The following KIAA1614 variants were observed in gnomAD, a reference collection of about 807,000 sequenced individuals.
KIAA1614 encodes KIAA1614.
KIAA1614 carries 76 observed loss-of-function variants against 88.7 expected under a neutral mutation model. The ratio of observed to expected loss-of-function variants is 0.86; its 90% CI spans 0.71 to 1.04. The LOEUF (loss-of-function observed/expected upper bound fraction) is 1.04, where lower values mean the gene tolerates loss of function less well. KIAA1614 is among the 50% of genes least tolerant of loss of function. The probability of loss-of-function intolerance (pLI) is 0.00; values close to 1 mark genes in which losing one functional copy is unlikely to be tolerated. For missense variants in KIAA1614, 1,553 were observed against 1,582.5 expected, an observed-to-expected ratio of 0.98 and a Z score of 0.32; for synonymous variants, 714 against 675.5, an observed-to-expected ratio of 1.06 and a Z score of -0.88.
intron 4 of KIAA1614, among the ~76,000 whole-genome samples, chr1:180,932,081 C>G (rs1234957351): frequency 6.6e-6 from 1 of 152,148 alleles, no homozygotes; most frequent in Non-Finnish European, 1.5e-5. Context: ...CACAGCTGAC[C>G]TAGATACAAG....
intron 4 of KIAA1614, among the ~76,000 whole-genome samples, chr1:180,931,649 C>T (rs1011796756): frequency 2.6e-5 from 4 of 152,256 alleles, no homozygotes; most frequent in African/African-American, 9.6e-5. Context: ...AAGCGCTCCT[C>T]AATTTCTCTT....
chr1:180,939,673 C>T (rs552955361), intron 6 of KIAA1614, among the ~76,000 whole-genome samples: 95 of 152,308 alleles, frequency 6.2e-4, no homozygotes, highest in African/African-American at 2.3e-3. Flanking sequence ...AGTCAAGGGT[C>T]GCTTTTTAAA....
intron 5 of KIAA1614, among the ~76,000 whole-genome samples, chr1:180,937,633 C>T (rs1336231601): frequency 1.3e-5 from 2 of 152,184 alleles, no homozygotes; most frequent in Non-Finnish European, 2.9e-5. Flanking sequence ...AAGAGGGACC[C>T]AGGGCTTGGC....
Position 180,928,545 on chromosome 1 carries a change from A to G in KIAA1614, c.1177A>G (p.Ile393Val). ...CCGGCCCCTCCGTGCCAGCCATGAC[A>G]TCGTGCCCACCATTACCCAGGGCAG... The part of the protein sequence containing the change: ...RTRPLRASHD[I>V]VPTITQGSRD... The change falls in exon 4 of 9, where the codon ATC becomes GTC. Residue 393 changes from isoleucine to valine, a missense_variant. Physicochemically the swap from Ile to Val is conservative, Grantham distance 29. Coordinates refer to ENST00000367588, the MANE Select transcript of KIAA1614 (RefSeq NM_020950.2). The G allele has an allele frequency of 6.2e-7, 1 of 1,612,808 alleles. No individual in the cohort carries two copies. The highest frequency in any genetic ancestry group is 8.5e-7 in the Non-Finnish European group (1 of 1,179,850).
At position 180,947,523 on chromosome 1, in the gene KIAA1614, G is replaced by A. The variant is rs1328310986; in HGVS notation, c.*1935G>A. ...GATTTGACTATTTGCTGATGAGCTG[G>A]ACATGTAAGAGGAAGAGAGGACAGG... On this transcript the variant is annotated 3_prime_UTR_variant, in exon 9 of 9. Coordinates refer to ENST00000367588, the MANE Select transcript of KIAA1614 (RefSeq NM_020950.2). 5 of 152,238 alleles carry A rather than the reference G, an allele frequency of 3.3e-5. No homozygotes were observed. Among genetic ancestry groups the A allele is most frequent in the Admixed American group, 2.0e-4 (3 of 15,286 alleles). 9.4% of individuals were successfully genotyped at this position (152,238 alleles called of 1,614,324 possible). A position where few individuals can be genotyped will look rare whatever the true frequency, so the allele number is the denominator to read the frequency against.
chr1:180,937,010 G>C (rs1363255639), intron 5 of KIAA1614, among the ~76,000 whole-genome samples: 1 of 152,228 alleles, frequency 6.6e-6, no homozygotes, highest in East Asian at 1.9e-4. Context: ...ATGGCTGCTG[G>C]AGGCCTGGAC....
At chr1:180,937,188 G>A (rs1654353629) in intron 5 of KIAA1614, among the ~76,000 whole-genome samples, 1 of 152,268 alleles carries the variant, frequency 6.6e-6, no homozygotes, top group East Asian at 1.9e-4. Flanking sequence ...CTGAGCACCT[G>A]TTATGTGCCA....
intron 1 of KIAA1614, among the ~76,000 whole-genome samples, chr1:180,915,775 C>T (rs1030829091): frequency 1.3e-5 from 2 of 152,176 alleles, no homozygotes; most frequent in Non-Finnish European, 2.9e-5. Context: ...ACCACCTGAG[C>T]TCTGCCTCCT....
At chr1:180,930,825 C>T (rs1045827414) in intron 4 of KIAA1614, among the ~76,000 whole-genome samples, 28 of 152,254 alleles carry the variant, frequency 1.8e-4, no homozygotes, top group Admixed American at 7.8e-4. Flanking sequence ...GAAAAATCAA[C>T]GCCAGATGGC....
chr1:180,921,350 C>G (rs1653949042), intron 3 of KIAA1614, among the ~76,000 whole-genome samples: 1 of 152,212 alleles, frequency 6.6e-6, no homozygotes, highest in African/African-American at 2.4e-5. Context: ...TTCAGGCCAA[C>G]TGGACATAAA....
rs957293230 is a variant in KIAA1614, at chr1:180,930,981, G to A, written c.1205+2408G>A. On this transcript the variant is annotated intron_variant, in intron 4 of 8. Coordinates refer to ENST00000367588, the MANE Select transcript of KIAA1614 (RefSeq NM_020950.2). Reference sequence around the variant, plus strand: ...AGCCCAGATGCATCACTTCTAAAGAGCAGCTTGGTGAAAGGTGATGGAAGA... The same window carrying A: ...AGCCCAGATGCATCACTTCTAAAGAACAGCTTGGTGAAAGGTGATGGAAGA... 2.0e-5 allele frequency among the ~76,000 whole-genome samples: 3 copies of A among 152,208 alleles called. 1 individual carries two copies. Among genetic ancestry groups the A allele is most frequent in the Non-Finnish European group, 4.4e-5 (3 of 68,034 alleles).
rs148774079 is a variant in KIAA1614 at position 180,940,206 on chromosome 1, A to G, written c.2919-839A>G. The stretch of plus-strand genomic sequence containing the variant: ...GCTGACACATAGTAGGTCGTTAAGA[A>G]GTATTGAATGAATGGGCCAGGCAGT... On this transcript the variant is annotated intron_variant, in intron 6 of 8. Coordinates refer to ENST00000367588, the MANE Select transcript of KIAA1614 (RefSeq NM_020950.2). Among the ~76,000 whole-genome samples, 61 of 152,342 alleles carry G rather than the reference A, an allele frequency of 4.0e-4. 1 individual carries two copies. The East Asian group carries it at 9.2e-3, about 23-fold the overall frequency.
chr1:180,945,403 G>C lies in KIAA1614; in HGVS notation c.3388G>C (p.Gly1130Arg), dbSNP rs201859148. ...CCGCCTGGTGGAGGTGTTCCCAGACGGCACCAGCCAGCTGCAGCTGCAGCG... is the reference window on the plus strand; with the variant it reads ...CCGCCTGGTGGAGGTGTTCCCAGACCGCACCAGCCAGCTGCAGCTGCAGCG... The part of the protein sequence containing the change: ...VGRLVEVFPD[G>R]TSQLQLQRSP... Residue 1130 changes from glycine to arginine, a missense_variant, in exon 9 of 9, where the codon GGC becomes CGC. Gly to Arg is a moderately radical substitution (Grantham distance 125). Transcript: ENST00000367588. 1.9e-6 allele frequency: 3 copies of C among 1,603,894 alleles called. No homozygotes were observed. The highest frequency in any genetic ancestry group is 2.5e-6 in the Non-Finnish European group (3 of 1,176,972).
intron 3 of KIAA1614, among the ~76,000 whole-genome samples, chr1:180,921,624 G>T (rs1211223250): frequency 6.6e-6 from 1 of 152,168 alleles, no homozygotes; most frequent in Non-Finnish European, 1.5e-5. Context: ...GGGATCTGGG[G>T]GTCTCCTTCC....
intron 3 of KIAA1614, among the ~76,000 whole-genome samples, chr1:180,922,596 T>C (rs1461502430): frequency 1.3e-5 from 2 of 152,204 alleles, no homozygotes; most frequent in African/African-American, 4.8e-5. Flanking sequence ...CCCTCAGCTG[T>C]GAGAAAAATC....
chr1:180,941,008 C>T (rs761908756), intron 6 of KIAA1614, 37 bp from the exon 7 acceptor site: 6 of 316,450 alleles, frequency 1.9e-5, no homozygotes, highest in East Asian at 1.1e-4. Flanking sequence ...CCCTCCCGGC[C>T]CTCCCCCGCC....
intron 4 of KIAA1614, among the ~76,000 whole-genome samples, chr1:180,931,651 A>G (rs371472555): frequency 5.9e-5 from 9 of 152,302 alleles, no homozygotes; most frequent in Admixed American, 2.0e-4. Flanking sequence ...GCGCTCCTCA[A>G]TTTCTCTTTT....
Position 180,935,452 on chromosome 1 carries a change from C to T in KIAA1614, c.1543C>T (p.Leu515Phe), listed in dbSNP as rs201310531. The change falls in exon 5 of 9, where the codon CTT becomes TTT. Residue 515 changes from leucine to phenylalanine, a missense_variant. Coordinates refer to ENST00000367588, the MANE Select transcript of KIAA1614 (RefSeq NM_020950.2). The surrounding 1 kb of genome is among the most constrained non-coding windows in gnomAD (Gnocchi z 6.1). ...RDAGQGTFHR[L>F]VGSLDRRGHP... is the part of the protein sequence containing the mutation. ...CGCGGGGCAGGGGACATTCCACAGG[C>T]TTGTGGGCAGCCTGGACCGCAGGGG... 409 of 1,473,984 alleles carry T rather than the reference C, an allele frequency of 2.8e-4. 1 individual carries two copies. The African/African-American group carries it at 5.3e-3, about 19-fold the overall frequency. The allele number at this position is 1,473,984 out of a possible 1,614,324, so 91.3% of individuals were successfully genotyped here. A position where few individuals can be genotyped will look rare whatever the true frequency, so the allele number is the denominator to read the frequency against.
rs970184219 is a variant in KIAA1614 at position 180,950,932 on chromosome 1, G to A, written c.*5344G>A. ...CAGCCTCCAACACTGTGGAACCAAA[G>A]AAAGCACATGTCCATATTGGCCTTG... On this transcript the variant is annotated 3_prime_UTR_variant, in exon 9 of 9. Coordinates refer to ENST00000367588, the MANE Select transcript of KIAA1614 (RefSeq NM_020950.2). 6.6e-6 allele frequency: 1 copy of A among 152,314 alleles called. No individual in the cohort carries two copies. Among genetic ancestry groups the A allele is most frequent in the Admixed American group, 6.5e-5 (1 of 15,290 alleles). The allele number at this position is 152,314 out of a possible 1,614,324, so 9.4% of individuals were successfully genotyped here.
Sources: allele counts gnomAD v4.1 joint callset (sites outside exome capture counted in the v4.1 genomes callset), GRCh38; gene constraint gnomAD v4.1.1; non-coding constraint Gnocchi (gnomAD v3.1); transcripts MANE v1.5; gene names NCBI Gene and HGNC (gene_info 2026-07-23, HGNC 2026-07-21).